SGCZ: variants seen among roughly 807,000 people sequenced by gnomAD.
SGCZ encodes the protein sarcoglycan zeta, also known as zeta-sarcoglycan.
In SGCZ, 40 loss-of-function variants were observed where a neutral mutation model predicts 41.3. That is an observed-to-expected ratio of 0.97 (90% CI 0.75 to 1.26). SGCZ has a LOEUF of 1.26. SGCZ is among the 50% of genes most tolerant of loss of function. The pLI is 0.00. For synonymous variants in SGCZ, 206 were observed against 137.5 expected (o/e 1.50, Z -3.49); for missense variants, 552 against 369.8 (o/e 1.49, Z -4.04).
chr8:14,699,782 A>T (rs1036215576), intron 1 of SGCZ, among the ~76,000 whole-genome samples: 2 of 151,828 alleles, frequency 1.3e-5, no homozygotes, highest in African/African-American at 4.8e-5. Context: ...AAAAAACAAA[A>T]TTACCACAAA....
chr8:14,426,543 C>G (rs1585494887), intron 2 of SGCZ, among the ~76,000 whole-genome samples: 3 of 151,984 alleles, frequency 2.0e-5, no homozygotes, highest in African/African-American at 7.3e-5. Context: ...AGAGAAATGA[C>G]GACAGAGATG....
chr8:14,944,958 G>A (rs552521294), intron 1 of SGCZ, among the ~76,000 whole-genome samples: 162 of 152,206 alleles, frequency 1.1e-3, no homozygotes, highest in Non-Finnish European at 2.1e-3. Context: ...GTTCCTTTTA[G>A]GCAACCTGCA....
At chr8:14,950,666 A>G (rs1475277024) in intron 1 of SGCZ, among the ~76,000 whole-genome samples, 1 of 152,032 alleles carries the variant, frequency 6.6e-6, no homozygotes, top group East Asian at 1.9e-4. Context: ...AAATTCCAGA[A>G]ATACAGGCAC....
intron 1 of SGCZ, among the ~76,000 whole-genome samples, chr8:14,648,929 G>T (rs1807310142): frequency 6.6e-6 from 1 of 151,946 alleles, no homozygotes; most frequent in African/African-American, 2.4e-5. Flanking sequence ...GTCTTATCTG[G>T]GATTATTGGA....
intron 3 of SGCZ, among the ~76,000 whole-genome samples, chr8:14,266,925 G>C (rs1047851282): frequency 1.3e-5 from 2 of 152,070 alleles, no homozygotes; most frequent in Non-Finnish European, 2.9e-5. Flanking sequence ...TGAAGAGCTA[G>C]AATGAATTTC....
chr8:14,870,309 G>A (rs534197197), intron 1 of SGCZ, among the ~76,000 whole-genome samples: 30 of 151,450 alleles, frequency 2.0e-4, no homozygotes, highest in African/African-American at 6.0e-4. Context: ...TGGCCAACGC[G>A]GTGAAACCCC....
chr8:14,406,061 T>C (rs572837694), intron 2 of SGCZ, among the ~76,000 whole-genome samples: 28 of 151,960 alleles, frequency 1.8e-4, no homozygotes, highest in Non-Finnish European at 2.8e-4. Flanking sequence ...CCATCAAATA[T>C]ATGCATGATC....
intron 1 of SGCZ, among the ~76,000 whole-genome samples, chr8:15,181,775 A>G (rs1800187612): frequency 6.6e-6 from 1 of 152,208 alleles, no homozygotes; most frequent in Non-Finnish European, 1.5e-5. Context: ...TGTCTGTATA[A>G]TTCATAACTC....
At chr8:14,127,736 A>G (rs914038493) in intron 5 of SGCZ, among the ~76,000 whole-genome samples, 1 of 152,134 alleles carries the variant, frequency 6.6e-6, no homozygotes, top group Non-Finnish European at 1.5e-5. Flanking sequence ...GATTACATGC[A>G]TGAGCCACCG....
At position 14,720,104 on chromosome 8, in the gene SGCZ, C is replaced by A. The variant is rs576651687; in HGVS notation, c.40-165178G>T. Among the ~76,000 whole-genome samples the A allele has an allele frequency of 1.6e-4, 24 of 151,920 alleles. No individual in the cohort carries two copies. In the South Asian group the frequency reaches 5.0e-3, roughly 32 times the overall value. On this transcript the variant is annotated intron_variant, in intron 1 of 7. Transcript: ENST00000382080. The stretch of plus-strand genomic sequence containing the variant: ...CCAGTTTTCCCAGCAAGTTCTTTGT[C>A]TTTTTTCTGACTTATATTTTTTTCT...
intron 1 of SGCZ, among the ~76,000 whole-genome samples, chr8:15,099,994 T>C (rs1434708729): frequency 6.6e-6 from 1 of 151,986 alleles, no homozygotes; most frequent in Non-Finnish European, 1.5e-5. Context: ...AGAGCCAATA[T>C]CCTACTTTAA....
intron 1 of SGCZ, among the ~76,000 whole-genome samples, chr8:15,008,026 T>C (rs1412660785): frequency 6.6e-6 from 1 of 152,214 alleles, no homozygotes; most frequent in Admixed American, 6.5e-5. Flanking sequence ...TGATAAATTG[T>C]TGTCTTTTTC....
intron 2 of SGCZ, among the ~76,000 whole-genome samples, chr8:14,367,133 C>G (rs142203031): frequency 6.6e-6 from 1 of 152,092 alleles, no homozygotes; most frequent in South Asian, 2.1e-4. Context: ...TTCTCATGTT[C>G]GAAGTTCCAC....
chr8:14,330,655 A>C (rs1259444630), intron 2 of SGCZ, among the ~76,000 whole-genome samples: 2 of 152,040 alleles, frequency 1.3e-5, no homozygotes, highest in Non-Finnish European at 2.9e-5. Context: ...TTTAAAATCC[A>C]CAGCCAGAAC....
Position 14,087,643 on chromosome 8 carries a change from G to T in SGCZ, c.*2800C>A, listed in dbSNP as rs1220877361. 1.3e-5 allele frequency among the ~76,000 whole-genome samples: 2 copies of T among 151,196 alleles called. No homozygotes were observed. Among genetic ancestry groups the T allele is most frequent in the Non-Finnish European group, 3.0e-5 (2 of 67,670 alleles). On this transcript the variant is annotated 3_prime_UTR_variant, in exon 8 of 8. Transcript: ENST00000382080. ...AAACTGCATTTTATTTATACATATT[G>T]TAACATAAAGATGGTACTGGGAAAA...
chr8:14,677,496 G>A (rs1808314043), intron 1 of SGCZ, among the ~76,000 whole-genome samples: 1 of 152,190 alleles, frequency 6.6e-6, no homozygotes, highest in East Asian at 1.9e-4. Context: ...TATGGGCCGG[G>A]CGGGGTGGCT....
intron 1 of SGCZ, among the ~76,000 whole-genome samples, chr8:14,832,990 C>T (rs1001949886): frequency 8.6e-5 from 13 of 151,732 alleles, no homozygotes; most frequent in Admixed American, 5.2e-4. Flanking sequence ...ATAGTTTGAT[C>T]ATTCCTTTTA....
intron 3 of SGCZ, among the ~76,000 whole-genome samples, chr8:14,272,479 T>C (rs1209511412): frequency 6.6e-6 from 1 of 152,118 alleles, no homozygotes; most frequent in Non-Finnish European, 1.5e-5. Context: ...ACTTGGAAAT[T>C]TTTGTGGGGT....
chr8:14,157,680 T>C (rs73213575), intron 5 of SGCZ, among the ~76,000 whole-genome samples: 16,049 of 151,872 alleles, frequency 0.11, 940 homozygotes, highest in Middle Eastern at 0.22. Context: ...ATAAGAAATA[T>C]AAAATAGTAC....
Sources: allele counts gnomAD v4.1 joint callset (sites outside exome capture counted in the v4.1 genomes callset), GRCh38; gene constraint gnomAD v4.1.1; transcripts MANE v1.5; gene names NCBI Gene and HGNC (gene_info 2026-07-23, HGNC 2026-07-21).